THSD4: variants seen among roughly 807,000 people sequenced by gnomAD.
THSD4 encodes the protein thrombospondin type-1 domain-containing protein 4.
THSD4 carries 69 observed loss-of-function variants against 119.0 expected under a neutral mutation model. The observed-to-expected ratio is 0.58, with a 90% CI of 0.48 to 0.71. The LOEUF is 0.71. Among genes scored for constraint, THSD4 ranks in the 30% least tolerant of loss-of-function variants. THSD4 has a pLI of 0.00. For missense variants in THSD4, 1,393 were observed against 1,391.1 expected, an observed-to-expected ratio of 1.00 and a Z score of -0.02; for synonymous variants, 524 against 540.4, an observed-to-expected ratio of 0.97 and a Z score of 0.42.
intron 8 of THSD4, among the ~76,000 whole-genome samples, chr15:71,692,448 T>C (rs577781146): frequency 9.2e-5 from 14 of 152,310 alleles, no homozygotes; most frequent in Middle Eastern, 3.4e-3. Context: ...CCACTGTAGA[T>C]TTTTTGTTTT....
chr15:71,591,005 C>CAAAAAAAAAAAAAAAAAAAAAAA (rs67271025), intron 7 of THSD4, among the ~76,000 whole-genome samples: 2 of 57,508 alleles, frequency 3.5e-5, no homozygotes, highest in Non-Finnish European at 6.1e-5. Context: ...GACTCCATCT[C>CAAAAAAAAAAAAAAAAAAAAAAA]AAAAAAAAAA....
chr15:71,343,775 G>A (rs1278663194), intron 6 of THSD4, among the ~76,000 whole-genome samples: 2 of 147,686 alleles, frequency 1.4e-5, no homozygotes, highest in Non-Finnish European at 3.0e-5. Flanking sequence ...GAGTGCAGCC[G>A]CAAAATGGCT....
chr15:71,111,505 C>A, upstream of THSD4: 2 of 984,388 alleles, frequency 2.0e-6, no homozygotes, highest in Non-Finnish European at 1.5e-6. Flanking sequence ...AGAAACAGCT[C>A]AAAATAACAG....
rs770911556 is a variant in THSD4 at position 71,737,972 on chromosome 15, T to G, written c.1871T>G (p.Leu624Arg). 1 of 1,613,908 alleles carries G rather than the reference T, an allele frequency of 6.2e-7. No homozygotes were observed. Among genetic ancestry groups the G allele is most frequent in the African/African-American group, 1.3e-5 (1 of 75,056 alleles). ...AGCCGGGATCACAACTGGAAGCAGCTTGGGACAACAGAATGTTCCACGACC... is the reference window on the plus strand; with the variant it reads ...AGCCGGGATCACAACTGGAAGCAGCGTGGGACAACAGAATGTTCCACGACC... ...RRSRDHNWKQLGTTECSTTCG... is the reference protein window; with the variant it reads ...RRSRDHNWKQRGTTECSTTCG... Residue 624 changes from leucine (L) to arginine (R), a missense_variant, in exon 11 of 18, where the codon CTT becomes CGT. Transcript: ENST00000261862.
intron 7 of THSD4, among the ~76,000 whole-genome samples, chr15:71,596,611 C>A (rs1381430520): frequency 6.6e-6 from 1 of 152,184 alleles, no homozygotes; most frequent in Non-Finnish European, 1.5e-5. Context: ...TGTGGGAACT[C>A]TTTGAATTCT....
intron 7 of THSD4, among the ~76,000 whole-genome samples, chr15:71,567,491 C>G (rs1172093203): frequency 6.6e-6 from 1 of 152,118 alleles, no homozygotes; most frequent in Non-Finnish European, 1.5e-5. Flanking sequence ...AGCAAGGAAG[C>G]AGGCATATTT....
chr15:71,280,846 GACT>G (rs2044643133), intron 6 of THSD4, among the ~76,000 whole-genome samples: 1 of 152,180 alleles, frequency 6.6e-6, no homozygotes, highest in Non-Finnish European at 1.5e-5. Context: ...GCTGTGAATG[GACT>G]ACATTACTGA....
At chr15:71,611,144 G>T (rs1049305138) in intron 7 of THSD4, among the ~76,000 whole-genome samples, 1 of 152,206 alleles carries the variant, frequency 6.6e-6, no homozygotes, top group African/African-American at 2.4e-5. Flanking sequence ...CCGTGATTAT[G>T]CCATTTTACC....
chr15:71,576,869 T>C (rs1041930416), intron 7 of THSD4, among the ~76,000 whole-genome samples: 2 of 152,238 alleles, frequency 1.3e-5, no homozygotes, highest in Non-Finnish European at 2.9e-5. Flanking sequence ...AGCTTTGTTA[T>C]ACCCTTAAGC....
chr15:71,740,237 G>C (rs1390337854), intron 11 of THSD4, among the ~76,000 whole-genome samples: 1 of 152,202 alleles, frequency 6.6e-6, no homozygotes, highest in Non-Finnish European at 1.5e-5. Flanking sequence ...GAGTCAGAAA[G>C]CTAGAAATAT....
intron 3 of THSD4, chr15:71,167,082 T>C (rs544591636): frequency 2.0e-5 from 3 of 152,208 alleles, no homozygotes; most frequent in Non-Finnish European, 4.4e-5. Context: ...GGTGAGTTTC[T>C]TTTTGATGTT....
At chr15:71,448,356 C>G (rs1407265287) in intron 7 of THSD4, among the ~76,000 whole-genome samples, 1 of 152,096 alleles carries the variant, frequency 6.6e-6, no homozygotes, top group African/African-American at 2.4e-5. Context: ...AGGAAACAAC[C>G]GGTCCTTATC....
intron 7 of THSD4, among the ~76,000 whole-genome samples, chr15:71,572,297 G>T (rs979388707): frequency 2.0e-5 from 3 of 152,180 alleles, no homozygotes; most frequent in Admixed American, 1.3e-4. Flanking sequence ...AACCTTGATT[G>T]TTCATAGCTG....
intron 7 of THSD4, among the ~76,000 whole-genome samples, chr15:71,520,876 T>C (rs1424156092): frequency 2.0e-5 from 3 of 152,202 alleles, no homozygotes; most frequent in African/African-American, 4.8e-5. Flanking sequence ...GAAGAAGATA[T>C]GTTTGCTAGG....
intron 7 of THSD4, among the ~76,000 whole-genome samples, chr15:71,534,420 T>A (rs2048660289): frequency 6.6e-6 from 1 of 152,244 alleles, no homozygotes; most frequent in Non-Finnish European, 1.5e-5. Context: ...TTACTATTAA[T>A]GTTAAATTGG....
intron 6 of THSD4, among the ~76,000 whole-genome samples, chr15:71,399,659 G>A (rs944580179): frequency 9.9e-5 from 15 of 152,166 alleles, no homozygotes; most frequent in Non-Finnish European, 2.9e-5. Flanking sequence ...TAGTTCAGAA[G>A]CATCAGTTAG....
rs981326892 is a variant in THSD4 at position 71,775,635 on chromosome 15, C to T, written c.2915-1597C>T. On this transcript the variant is annotated intron_variant, in intron 17 of 17. Coordinates refer to ENST00000261862, the MANE Select transcript of THSD4 (RefSeq NM_024817.3). ...CTGAGGCAGGAGAAAGGCTTGGACC[C>T]GGGAGGCAGAGATTGCAATGAGCTG... 1.6e-3 allele frequency among the ~76,000 whole-genome samples: 248 copies of T among 152,116 alleles called. 1 individual carries two copies. Among genetic ancestry groups the T allele is most frequent in the African/African-American group, 5.6e-3 (232 of 41,506 alleles).
At chr15:71,662,106 G>A (rs192013515) in intron 8 of THSD4, among the ~76,000 whole-genome samples, 15 of 152,282 alleles carry the variant, frequency 9.9e-5, no homozygotes, top group Non-Finnish European at 2.1e-4. Flanking sequence ...GCCACTGGCC[G>A]TGCAGCAGTC....
chr15:71,100,263 G>C (rs1348533954), intron 1 of THSD4, among the ~76,000 whole-genome samples: 1 of 152,194 alleles, frequency 6.6e-6, no homozygotes, highest in Admixed American at 6.5e-5. Context: ...TTTTGTGATT[G>C]TGCTATCTAA....
Sources: allele counts gnomAD v4.1 joint callset (sites outside exome capture counted in the v4.1 genomes callset), GRCh38; gene constraint gnomAD v4.1.1; transcripts MANE v1.5; gene names NCBI Gene and HGNC (gene_info 2026-07-23, HGNC 2026-07-21).